ANKHD1: variants seen among roughly 807,000 people sequenced by gnomAD.
ANKHD1 encodes the protein ankyrin repeat and KH domain-containing protein 1.
In ANKHD1, 31 loss-of-function variants were observed where a neutral mutation model predicts 230.5. The ratio of observed to expected loss-of-function variants is 0.13; its 90% CI spans 0.10 to 0.18. The LOEUF (loss-of-function observed/expected upper bound fraction) is 0.18. Ranked by LOEUF, ANKHD1 falls within the 10% of genes least tolerant of loss-of-function variation. ANKHD1 has a pLI of 1.00. For synonymous variants in ANKHD1, 1,074 were observed against 1,117.6 expected (o/e 0.96, Z 0.78); for missense variants, 2,256 against 3,071.3 (o/e 0.73, Z 6.27).
intron 9 of ANKHD1, among the ~76,000 whole-genome samples, chr5:140,461,746 G>T (rs1775717244): frequency 6.6e-6 from 1 of 151,992 alleles, no homozygotes; most frequent in African/African-American, 2.4e-5. Flanking sequence ...TTATAAAAGT[G>T]TTAATATTCA....
intron 14 of ANKHD1, among the ~76,000 whole-genome samples, chr5:140,493,690 AT>A (rs2127032038): frequency 6.6e-6 from 1 of 152,296 alleles, no homozygotes; most frequent in East Asian, 1.9e-4. Flanking sequence ...CTCCATGGCT[AT>A]TTTGAGATGA....
At chr5:140,415,368 C>T (rs191793561) in intron 1 of ANKHD1, among the ~76,000 whole-genome samples, 2 of 148,000 alleles carry the variant, frequency 1.4e-5, no homozygotes, top group South Asian at 2.1e-4. Flanking sequence ...GGTGACAGAG[C>T]GAGACTTCGT....
chr5:140,482,819 G>C, intron 11 of ANKHD1, 152 bp downstream of exon 11: 1 of 813,788 alleles, frequency 1.2e-6, no homozygotes, highest in Non-Finnish European at 1.8e-6. Context: ...TAAGCATAGA[G>C]TTTGTGAGTT....
In ANKHD1 at chr5:140,497,251, A is replaced by C. The variant is rs78208215; in HGVS notation, c.2977A>C (p.Thr993Pro). 1 of 1,605,724 alleles carries C rather than the reference A, an allele frequency of 6.2e-7. No individual in the cohort carries two copies. Among genetic ancestry groups the C allele is most frequent in the Non-Finnish European group, 8.5e-7 (1 of 1,179,816 alleles). Residue 993 changes from threonine to proline, a missense_variant, in exon 15 of 34, where the codon ACC (threonine) becomes CCC (proline). Thr to Pro is a conservative substitution (Grantham distance 38). This residue lies in a region of ANKHD1 where 358 missense variants were observed against 397.7 expected (regional missense o/e 0.90). Coordinates refer to ENST00000360839, the MANE Select transcript of ANKHD1 (RefSeq NM_017747.3). ...LMVATPAQTLTDTLDDLIAAV... is the reference protein window; with the variant it reads ...LMVATPAQTLPDTLDDLIAAV... ...GGTTGCAACTCCAGCTCAGACGCTT[A>C]CCGACACTCTTGATGACCTGATAGC...
At chr5:140,468,050 T>A (rs1176225578) in intron 10 of ANKHD1, among the ~76,000 whole-genome samples, 1 of 112,962 alleles carries the variant, frequency 8.9e-6, no homozygotes, top group Non-Finnish European at 1.8e-5. Context: ...AGTGTACTAA[T>A]TCTTTTTTTT....
At position 140,423,783 on chromosome 5, in the gene ANKHD1, A is replaced by G. The variant is rs144271568; in HGVS notation, c.307-12321A>G. On this transcript the variant is annotated intron_variant, in intron 1 of 33. Transcript: ENST00000360839. ...TCCACTATGATGAATGTGTCCCCCA[A>G]AGTTCATGTGTTAGAAACTTGGTTC... Among the ~76,000 whole-genome samples, 22 of 152,276 alleles carry G rather than the reference A, an allele frequency of 1.4e-4. No individual in the cohort carries two copies. The East Asian group carries it at 4.2e-3, about 29-fold the overall frequency.
chr5:140,449,143 C>A, intron 6 of ANKHD1, 68 bp from the exon 7 acceptor site: 1 of 1,454,188 alleles, frequency 6.9e-7, no homozygotes, highest in East Asian at 2.6e-5. Flanking sequence ...GAAAAAGATT[C>A]CATACCTCAA....
At chr5:140,455,144 C>T (rs1251000866) in intron 7 of ANKHD1, among the ~76,000 whole-genome samples, 4 of 152,192 alleles carry the variant, frequency 2.6e-5, no homozygotes, top group African/African-American at 9.6e-5. Context: ...GACACATACA[C>T]TCTTCCAAGA....
chr5:140,520,032 G>A (rs1409550649), intron 24 of ANKHD1, among the ~76,000 whole-genome samples: 2 of 150,522 alleles, frequency 1.3e-5, no homozygotes, highest in African/African-American at 4.9e-5. Flanking sequence ...CTACTCATCT[G>A]ACAAAGGGCT....
chr5:140,486,961 C>G lies in ANKHD1; in HGVS notation c.2146C>G (p.Pro716Ala), dbSNP rs763253196. The G allele has an allele frequency of 2.1e-5, 33 of 1,608,414 alleles. No individual in the cohort carries two copies. Among genetic ancestry groups the G allele is most frequent in the Non-Finnish European group, 2.6e-5 (31 of 1,176,866 alleles). The change falls in exon 14 of 34, where the codon CCA (proline) becomes GCA (alanine). Residue 716 changes from proline to alanine, a missense_variant. This residue lies in a region of ANKHD1 where 358 missense variants were observed against 397.7 expected (regional missense o/e 0.90). Coordinates refer to ENST00000360839, the MANE Select transcript of ANKHD1 (RefSeq NM_017747.3). The part of the protein sequence containing the change: ...PPPSQDQSQV[P>A]RVPTHTLAMV... ...TTTTTCTGAGTTGACTTTTTAGGTG[C>G]CACGTGTGCCAACGCATACACTTGC...
intron 1 of ANKHD1, among the ~76,000 whole-genome samples, chr5:140,416,759 A>G (rs1465053797): frequency 1.3e-5 from 2 of 151,956 alleles, no homozygotes; most frequent in East Asian, 1.9e-4. Flanking sequence ...TGCTGGGATT[A>G]CAAGTGTGAG....
rs1753702481 is a variant in ANKHD1 at position 140,528,706 on chromosome 5, T to C, written c.5760T>C (p.Val1920=). The change falls in exon 29 of 34, where the codon GTT becomes GTC. Residue 1920 remains valine (V), a synonymous_variant. Coordinates refer to ENST00000360839, the MANE Select transcript of ANKHD1 (RefSeq NM_017747.3). ...TSRLPNQNGT[V]LPSESAGLAT... is the part of the protein sequence containing the mutation. ...GTCTACCTAACCAGAACGGGACTGT[T>C]TTACCCTCAGAGTCTGCTGGACTAG... is the stretch of plus-strand genomic sequence containing the variant. The C allele has an allele frequency of 1.2e-6, 2 of 1,614,058 alleles. No individual in the cohort carries two copies. Among genetic ancestry groups the C allele is most frequent in the Non-Finnish European group, 1.7e-6 (2 of 1,180,038 alleles).
chr5:140,522,934 A>T (rs993746974), intron 24 of ANKHD1, among the ~76,000 whole-genome samples: 1 of 152,052 alleles, frequency 6.6e-6, no homozygotes, highest in Non-Finnish European at 1.5e-5. Flanking sequence ...TTGAACATCT[A>T]TCTTTCTCTG....
chr5:140,480,789 T>C (rs1234272242), intron 10 of ANKHD1, among the ~76,000 whole-genome samples: 1 of 152,092 alleles, frequency 6.6e-6, no homozygotes, highest in Non-Finnish European at 1.5e-5. Context: ...TTAAACAATA[T>C]TTAATCACTC....
Position 140,485,068 on chromosome 5 carries a change from G to T in ANKHD1, c.1871-53G>T. ...AAAATTTTTAAATGATATTGACTAT[G>T]AACTAGCTTGATGTCAACCTTTGCT... On this transcript the variant is annotated intron_variant, in intron 11 of 33. Transcript: ENST00000360839. The surrounding 1 kb of genome is among the most constrained non-coding windows in gnomAD (Gnocchi z 4.8). The T allele has an allele frequency of 1.3e-6, 2 of 1,559,602 alleles. No individual in the cohort carries two copies. The highest frequency in any genetic ancestry group is 1.8e-5 in the Admixed American group (1 of 55,920).
chr5:140,442,289 C>T (rs189555668), intron 5 of ANKHD1, among the ~76,000 whole-genome samples: 251 of 151,994 alleles, frequency 1.7e-3, no homozygotes, highest in Non-Finnish European at 2.5e-3. Flanking sequence ...TGTGATCTGC[C>T]CGCCTCAGCC....
At chr5:140,473,736 A>G (rs1750801793) in intron 10 of ANKHD1, among the ~76,000 whole-genome samples, 1 of 152,232 alleles carries the variant, frequency 6.6e-6, no homozygotes, top group Non-Finnish European at 1.5e-5. Flanking sequence ...CTCAGTTTGT[A>G]TAATATTATA....
intron 10 of ANKHD1, among the ~76,000 whole-genome samples, chr5:140,469,080 T>G (rs2126990842): frequency 6.6e-6 from 1 of 152,136 alleles, no homozygotes; most frequent in Middle Eastern, 3.4e-3. Flanking sequence ...TATAAACTGA[T>G]TTCTTCTTTC....
intron 7 of ANKHD1, among the ~76,000 whole-genome samples, chr5:140,450,280 A>G (rs562866907): frequency 6.8e-6 from 1 of 146,464 alleles, no homozygotes. Context: ...TGTAGCAGCC[A>G]CATATTACCT....
Sources: allele counts gnomAD v4.1 joint callset (sites outside exome capture counted in the v4.1 genomes callset), GRCh38; gene constraint gnomAD v4.1.1; regional missense constraint gnomAD v4.1.1; non-coding constraint Gnocchi (gnomAD v3.1); transcripts MANE v1.5; gene names NCBI Gene and HGNC (gene_info 2026-07-23, HGNC 2026-07-21).